The following PABPC4L variants were observed in gnomAD, a reference collection of about 807,000 sequenced individuals.
PABPC4L encodes the protein polyadenylate-binding protein 4-like.
For missense variants in PABPC4L, 452 were observed against 451.4 expected (o/e 1.00, Z -0.01); for synonymous variants, 169 against 164.1 (o/e 1.03, Z -0.23).
At chr4:134,020,586 A>C in the PABPC4L span, among the ~76,000 whole-genome samples, 2 of 152,138 alleles carry the variant, frequency 1.3e-5, no homozygotes, top group East Asian at 3.9e-4. Flanking sequence ...GCCCTCACTC[A>C]AGATGGAGTT....
chr4:134,111,164 T>C, the PABPC4L span, among the ~76,000 whole-genome samples: 1 of 151,900 alleles, frequency 6.6e-6, no homozygotes, highest in African/African-American at 2.4e-5. Context: ...AGGGGAGAAA[T>C]ACTGTGTCTT....
the PABPC4L span, among the ~76,000 whole-genome samples, chr4:134,107,463 G>A: frequency 6.6e-6 from 1 of 151,644 alleles, no homozygotes; most frequent in East Asian, 1.9e-4. Context: ...ATGAAAACTT[G>A]TCTATAAAAT....
At chr4:134,043,455 T>C in the PABPC4L span, among the ~76,000 whole-genome samples, 1 of 152,276 alleles carries the variant, frequency 6.6e-6, no homozygotes, top group Admixed American at 6.5e-5. Context: ...CAGGTGGTTT[T>C]GGAAAATACT....
the PABPC4L span, among the ~76,000 whole-genome samples, chr4:134,114,458 A>G: frequency 6.6e-6 from 1 of 151,722 alleles, no homozygotes; most frequent in Non-Finnish European, 1.5e-5. Flanking sequence ...GATGGGGTAT[A>G]ACCTTATAAG....
At chr4:134,043,083 A>G in the PABPC4L span, among the ~76,000 whole-genome samples, 7 of 152,110 alleles carry the variant, frequency 4.6e-5, no homozygotes, top group Non-Finnish European at 8.8e-5. Context: ...AATTAATAAA[A>G]ATGCCTTTGT....
At chr4:134,183,433 A>G in the PABPC4L span, among the ~76,000 whole-genome samples, 1 of 151,814 alleles carries the variant, frequency 6.6e-6, no homozygotes, top group Non-Finnish European at 1.5e-5. Flanking sequence ...AAAGAAGGGA[A>G]CAACAGACAC....
the PABPC4L span, among the ~76,000 whole-genome samples, chr4:134,020,587 A>G: frequency 6.6e-6 from 1 of 152,174 alleles, no homozygotes; most frequent in Non-Finnish European, 1.5e-5. Context: ...CCCTCACTCA[A>G]GATGGAGTTG....
the PABPC4L span, among the ~76,000 whole-genome samples, chr4:134,166,197 T>C: frequency 6.6e-6 from 1 of 152,128 alleles, no homozygotes; most frequent in Non-Finnish European, 1.5e-5. Flanking sequence ...ACTCAGGTGA[T>C]GGCTGCACTA....
At chr4:134,009,461 T>C in the PABPC4L span, among the ~76,000 whole-genome samples, 30 of 152,078 alleles carry the variant, frequency 2.0e-4, 1 homozygote, top group South Asian at 2.1e-4. Context: ...CAGCCAATAA[T>C]TGTTACATTG....
At chr4:134,039,751 C>G in the PABPC4L span, among the ~76,000 whole-genome samples, 5 of 152,068 alleles carry the variant, frequency 3.3e-5, no homozygotes, top group East Asian at 7.8e-4. Flanking sequence ...ATGCAGCACA[C>G]CGATGGGTCT....
the PABPC4L span, among the ~76,000 whole-genome samples, chr4:134,138,964 T>G: frequency 6.6e-6 from 1 of 151,828 alleles, no homozygotes; most frequent in East Asian, 1.9e-4. Context: ...AGAAAATAGG[T>G]TTCACTAAGC....
the PABPC4L span, among the ~76,000 whole-genome samples, chr4:134,072,523 A>G: frequency 6.6e-6 from 1 of 152,198 alleles, no homozygotes; most frequent in African/African-American, 2.4e-5. Context: ...TTTTATAACA[A>G]CCTGCAAGTA....
the PABPC4L span, among the ~76,000 whole-genome samples, chr4:134,132,107 A>G: frequency 0.45 from 68,818 of 151,896 alleles, 18,074 homozygotes; most frequent in East Asian, 0.98. Flanking sequence ...AACCCATAAA[A>G]ATTCTAGAAG....
At chr4:134,121,691 T>G in the PABPC4L span, among the ~76,000 whole-genome samples, 1 of 151,710 alleles carries the variant, frequency 6.6e-6, no homozygotes, top group Non-Finnish European at 1.5e-5. Flanking sequence ...CCCTTTAAAC[T>G]GCTTTTTTTC....
the PABPC4L span, among the ~76,000 whole-genome samples, chr4:134,136,980 T>C: frequency 6.6e-6 from 1 of 152,014 alleles, no homozygotes; most frequent in Non-Finnish European, 1.5e-5. Context: ...TTGATAACGC[T>C]GTGGTCTATT....
chr4:134,135,838 A>T, the PABPC4L span, among the ~76,000 whole-genome samples: 1 of 152,106 alleles, frequency 6.6e-6, no homozygotes, highest in Admixed American at 6.6e-5. Context: ...TGTCTCAAAA[A>T]TAAATAAATA....
the PABPC4L span, among the ~76,000 whole-genome samples, chr4:134,025,030 C>A: frequency 0.014 from 2,127 of 149,568 alleles, 49 homozygotes; most frequent in African/African-American, 0.049. Context: ...CCTTGGCCTG[C>A]CAAAGTGCTG....
chr4:134,123,269 G>A, the PABPC4L span, among the ~76,000 whole-genome samples: 1 of 151,938 alleles, frequency 6.6e-6, no homozygotes, highest in South Asian at 2.1e-4. Context: ...GCCTTCTTGT[G>A]TTTAGAAGCA....
chr4:134,098,096 T>C, the PABPC4L span, among the ~76,000 whole-genome samples: 1 of 151,798 alleles, frequency 6.6e-6, no homozygotes, highest in Non-Finnish European at 1.5e-5. Flanking sequence ...CTTATAGCAG[T>C]CTTACATATT....
Sources: allele counts gnomAD v4.1 joint callset (sites outside exome capture counted in the v4.1 genomes callset), GRCh38; gene constraint gnomAD v4.1.1; transcripts MANE v1.5; gene names NCBI Gene and HGNC (gene_info 2026-07-23, HGNC 2026-07-21).